NCAPG: variants seen among roughly 807,000 people sequenced by gnomAD.
NCAPG encodes non-SMC condensin I complex subunit G, also known as condensin complex subunit 3.
A neutral mutation model predicts 113.1 loss-of-function variants in NCAPG; 69 were observed. That is an observed-to-expected ratio of 0.61 (90% CI 0.50 to 0.75). The LOEUF (loss-of-function observed/expected upper bound fraction) is 0.75. Ranked by LOEUF, NCAPG falls within the 30% of genes least tolerant of loss-of-function variation. The pLI is 0.00. For missense variants in NCAPG, 1,058 were observed against 1,177.0 expected (o/e 0.90, Z 1.48); for synonymous variants, 370 against 415.8 (o/e 0.89, Z 1.34).
chr4:17,820,341 C>A (rs1415781734), intron 7 of NCAPG, among the ~76,000 whole-genome samples: 1 of 152,118 alleles, frequency 6.6e-6, no homozygotes, highest in African/African-American at 2.4e-5. Flanking sequence ...GTGGCTCATG[C>A]CTGTAATCCC....
At chr4:17,843,055 T>C (rs1219193508) in intron 20 of NCAPG, 2 of 266,536 alleles carry the variant, frequency 7.5e-6, no homozygotes, top group Admixed American at 9.7e-5. Context: ...TGGCTTTTTT[T>C]CCTGTATAAC....
chr4:17,813,855 G>T (rs1463648291), intron 3 of NCAPG, among the ~76,000 whole-genome samples: 1 of 151,874 alleles, frequency 6.6e-6, no homozygotes, highest in Non-Finnish European at 1.5e-5. Flanking sequence ...TATGTTTTAG[G>T]CACTCTTCTG....
Position 17,817,410 on chromosome 4 carries a change from C to T in NCAPG, c.925C>T (p.Pro309Ser). 1 of 1,614,074 alleles carries T rather than the reference C, an allele frequency of 6.2e-7. No individual in the cohort carries two copies. Among genetic ancestry groups the T allele is most frequent in the Non-Finnish European group, 8.5e-7 (1 of 1,179,990 alleles). Residue 309 changes from proline (P) to serine (S), a missense_variant, in exon 6 of 21, where the codon CCT becomes TCT. Transcript: ENST00000251496. Reference protein sequence around the residue: ...SVLNALFSITPLSELVGLCKN... With the variant: ...SVLNALFSITSLSELVGLCKN... Reference sequence around the variant, plus strand: ...TCTCAATGCCTTGTTTTCAATAACTCCTCTCAGTGAACTGGTGGGACTCTG... The same window carrying T: ...TCTCAATGCCTTGTTTTCAATAACTTCTCTCAGTGAACTGGTGGGACTCTG...
At chr4:17,830,508 C>T (rs960203660) in intron 12 of NCAPG, among the ~76,000 whole-genome samples, 5 of 149,106 alleles carry the variant, frequency 3.4e-5, no homozygotes, top group East Asian at 3.9e-4. Flanking sequence ...ACTACAGATA[C>T]GATGTTTTGG....
Position 17,830,973 on chromosome 4 carries a change from T to G in NCAPG, c.1765-24T>G, listed in dbSNP as rs1577342871. On this transcript the variant is annotated intron_variant, in intron 12 of 20. Transcript: ENST00000251496. ...AATGAAGTAGATCTATGAAATCATA[T>G]GGAAAATTTCTGATTCATTTTAGAT... The G allele has an allele frequency of 1.9e-6, 3 of 1,601,562 alleles. No homozygotes were observed. The African/African-American group carries it at 4.0e-5, about 22-fold the overall frequency.
rs1383781119 is a variant in NCAPG, at chr4:17,840,634, C to T, written c.2795C>T (p.Pro932Leu). 11 of 1,545,330 alleles carry T rather than the reference C, an allele frequency of 7.1e-6. No individual in the cohort carries two copies. Among genetic ancestry groups the T allele is most frequent in the African/African-American group, 2.8e-5 (2 of 71,560 alleles). The change falls in exon 19 of 21, where the codon CCA (proline) becomes CTA (leucine). Residue 932 changes from proline (P) to leucine (L), a missense_variant. Pro to Leu is a moderately conservative substitution (Grantham distance 98, BLOSUM62 -3). Transcript: ENST00000251496. ...DEKNKEVYMT[P>L]LRGVKATQAS... ...AAGAATAAAGAAGTATATATGACTC[C>T]ACTCAGGGGTGTAAAAGCAACCCAA...
At chr4:17,814,816 AT>A in intron 3 of NCAPG, 36 bp from the exon 4 acceptor site, 1 of 1,577,840 alleles carries the variant, frequency 6.3e-7, no homozygotes, top group African/African-American at 1.3e-5. Context: ...TAAATAAATA[AT>A]TTCATCAGTA....
At chr4:17,815,100 G>T (rs1721149125) in intron 4 of NCAPG, 102 bp downstream of exon 4, 15 of 1,482,564 alleles carry the variant, frequency 1.0e-5, no homozygotes, top group Non-Finnish European at 1.3e-5. Context: ...AATTTCTTCA[G>T]TTGAGGTTTT....
At chr4:17,816,717 G>A (rs896487024) in intron 5 of NCAPG, among the ~76,000 whole-genome samples, 2 of 152,216 alleles carry the variant, frequency 1.3e-5, no homozygotes, top group African/African-American at 4.8e-5. Context: ...ACCCAGGGGA[G>A]AAGGAATGTA....
chr4:17,844,459 T>C lies in NCAPG; in HGVS notation c.*1034T>C, dbSNP rs1722730546. On this transcript the variant is annotated 3_prime_UTR_variant, in exon 21 of 21. Transcript: ENST00000251496. ...ATTTTAAGATGGAGCTAAAGTAAGA[T>C]CACTGGTTTTTAGAACCAAATTGCT... 1 of 152,440 alleles carries C rather than the reference T, an allele frequency of 6.6e-6. No individual in the cohort carries two copies. The highest frequency in any genetic ancestry group is 6.6e-5 in the Admixed American group (1 of 15,250). 9.4% of individuals were successfully genotyped at this position (152,440 alleles called of 1,614,324 possible). A position where few individuals can be genotyped will look rare whatever the true frequency, so the allele number is the denominator to read the frequency against.
intron 5 of NCAPG, among the ~76,000 whole-genome samples, chr4:17,816,220 G>T (rs1292800702): frequency 6.6e-6 from 1 of 152,176 alleles, no homozygotes; most frequent in Non-Finnish European, 1.5e-5. Flanking sequence ...ATTCTCATAA[G>T]GAGCGTGCAA....
chr4:17,815,720 C>T (rs973431147), intron 5 of NCAPG, among the ~76,000 whole-genome samples: 4 of 152,106 alleles, frequency 2.6e-5, no homozygotes, highest in Non-Finnish European at 4.4e-5. Context: ...GACGGGGTTT[C>T]ACCATGTTGG....
intron 16 of NCAPG, among the ~76,000 whole-genome samples, chr4:17,839,235 CG>C (rs1196454398): frequency 1.5e-4 from 23 of 152,240 alleles, no homozygotes; most frequent in African/African-American, 5.5e-4. Flanking sequence ...TAGGGAGTTC[CG>C]GAACTGGGAT....
At chr4:17,839,996 G>A in intron 17 of NCAPG, 75 bp from the exon 18 acceptor site, 6 of 1,508,466 alleles carry the variant, frequency 4.0e-6, no homozygotes, top group Non-Finnish European at 5.3e-6. Context: ...TAAACAACTT[G>A]ATATGTATTG....
chr4:17,813,800 G>T (rs2044860344), intron 3 of NCAPG, among the ~76,000 whole-genome samples: 1 of 151,758 alleles, frequency 6.6e-6, no homozygotes, highest in Non-Finnish European at 1.5e-5. Context: ...CTTACCTATG[G>T]GGTCATAAAG....
chr4:17,817,192 A>G, intron 5 of NCAPG, 69 bp from the exon 6 acceptor site: 1 of 1,159,096 alleles, frequency 8.6e-7, no homozygotes, highest in Non-Finnish European at 1.2e-6. Flanking sequence ...GTTAATTAAA[A>G]CAGACAAAAT....
In NCAPG at chr4:17,843,613, G is replaced by C. The variant is rs1560238449; in HGVS notation, c.*188G>C. On this transcript the variant is annotated 3_prime_UTR_variant, in exon 21 of 21. Coordinates refer to ENST00000251496, the MANE Select transcript of NCAPG (RefSeq NM_022346.5). ...CATCAGTTATTATAGTCCAGAAAAA[G>C]TGTGCATCAGTCAGTCACACAGATT... 1 of 505,806 alleles carries C rather than the reference G, an allele frequency of 2.0e-6. No individual in the cohort carries two copies. The highest frequency in any genetic ancestry group is 3.3e-5 in the East Asian group (1 of 30,248). The allele number at this position is 505,806 out of a possible 1,614,324, so 31.3% of individuals were successfully genotyped here. A position where few individuals can be genotyped will look rare whatever the true frequency, so the allele number is the denominator to read the frequency against.
chr4:17,822,826 T>C (rs1039775429), intron 7 of NCAPG, among the ~76,000 whole-genome samples, 157 bp from the exon 8 acceptor site: 4 of 152,232 alleles, frequency 2.6e-5, no homozygotes, highest in Non-Finnish European at 4.4e-5. Context: ...TTAATGACAG[T>C]GGCATAGAAT....
intron 6 of NCAPG, 58 bp downstream of exon 6, chr4:17,817,511 G>T: frequency 4.9e-6 from 7 of 1,423,192 alleles, no homozygotes; most frequent in East Asian, 2.3e-5. Context: ...CAATTAATTT[G>T]TTTTTTTTCC....
Sources: allele counts gnomAD v4.1 joint callset (sites outside exome capture counted in the v4.1 genomes callset), GRCh38; gene constraint gnomAD v4.1.1; transcripts MANE v1.5; gene names NCBI Gene and HGNC (gene_info 2026-07-23, HGNC 2026-07-21).